SASH1: variants seen among roughly 807,000 people sequenced by gnomAD.
SASH1 encodes the protein SAM and SH3 domain containing 1.
A neutral mutation model predicts 125.2 loss-of-function variants in SASH1; 44 were observed. That is an observed-to-expected ratio of 0.35 (90% CI 0.28 to 0.45). The LOEUF is 0.45. Among genes scored for constraint, SASH1 ranks in the 20% least tolerant of loss-of-function variants. The pLI is 1.00. For synonymous variants in SASH1, 639 were observed against 649.1 expected (o/e 0.98, Z 0.24); for missense variants, 1,426 against 1,614.5 (o/e 0.88, Z 2.00).
chr6:148,381,225 C>T (rs547286729), intron 1 of SASH1, among the ~76,000 whole-genome samples: 1 of 152,200 alleles, frequency 6.6e-6, no homozygotes, highest in East Asian at 1.9e-4. Context: ...TTAGACTAAA[C>T]TTTTCAGATT....
At position 148,533,096 on chromosome 6, in the gene SASH1, C is replaced by T; in HGVS notation, c.1734+130C>T. 5 of 982,612 alleles carry T rather than the reference C, an allele frequency of 5.1e-6. No individual in the cohort carries two copies. Among genetic ancestry groups the T allele is most frequent in the Admixed American group, 2.2e-5 (1 of 44,766 alleles). 60.9% of individuals were successfully genotyped at this position (982,612 alleles called of 1,614,324 possible). On this transcript the variant is annotated intron_variant, in intron 14 of 19. Transcript: ENST00000367467. This position sits in a 1 kb window ranked among gnomAD's most constrained non-coding sequence, Gnocchi z 6.2. ...TGGACAGTATCTTGGCTACCTCGAT[C>T]ACTGGTCTCCTCTGTAGTGAAAAAC...
chr6:148,209,421 A>T, the SASH1 span, among the ~76,000 whole-genome samples: 1 of 152,198 alleles, frequency 6.6e-6, no homozygotes, highest in Non-Finnish European at 1.5e-5. Flanking sequence ...TATTGAATAA[A>T]ATAAAGAGGG....
the SASH1 span, among the ~76,000 whole-genome samples, chr6:148,209,313 T>C: frequency 6.6e-6 from 1 of 152,230 alleles, no homozygotes; most frequent in African/African-American, 2.4e-5. Context: ...TGTTTCTTCT[T>C]GCTCTCATCT....
At chr6:148,241,258 T>C in the SASH1 span, among the ~76,000 whole-genome samples, 1 of 152,226 alleles carries the variant, frequency 6.6e-6, no homozygotes, top group African/African-American at 2.4e-5. Flanking sequence ...GAGACTCGCC[T>C]TCTCATCCAG....
intron 2 of SASH1, among the ~76,000 whole-genome samples, chr6:148,416,701 C>T (rs1303914761): frequency 6.6e-6 from 1 of 152,142 alleles, no homozygotes; most frequent in Non-Finnish European, 1.5e-5. Context: ...AATGTGACTT[C>T]GTTGGATTGC....
rs191670041 is a variant in SASH1, at chr6:148,410,695, C to T, written c.285+20433C>T. On this transcript the variant is annotated intron_variant, in intron 2 of 19. Coordinates refer to ENST00000367467, the MANE Select transcript of SASH1 (RefSeq NM_015278.5). ...ATAAGTTGCACTTAAAGTGACATTC[C>T]GTAGTAAACAGAAACTTCATAAGGA... 2.2e-4 allele frequency among the ~76,000 whole-genome samples: 33 copies of T among 152,150 alleles called. No individual in the cohort carries two copies. The East Asian group carries it at 4.5e-3, about 21-fold the overall frequency.
At chr6:148,477,796 C>T (rs1308366840) in intron 7 of SASH1, among the ~76,000 whole-genome samples, 1 of 145,348 alleles carries the variant, frequency 6.9e-6, no homozygotes, top group Admixed American at 7.3e-5. Context: ...CTCCCAGGTT[C>T]CAGCAATTCT....
chr6:148,221,771 TGATAAC>T, the SASH1 span, among the ~76,000 whole-genome samples: 1 of 152,210 alleles, frequency 6.6e-6, no homozygotes, highest in African/African-American at 2.4e-5. Context: ...CAAAGGGCAC[TGATAAC>T]AGTGGTGAAG....
intron 4 of SASH1, among the ~76,000 whole-genome samples, chr6:148,464,225 C>G (rs912817783): frequency 1.3e-5 from 2 of 152,154 alleles, no homozygotes; most frequent in African/African-American, 4.8e-5. Flanking sequence ...AATGTTGACA[C>G]TTAAGCAGAT....
chr6:148,306,321 T>G (rs553944390), intron 1 of SASH1, among the ~76,000 whole-genome samples: 4 of 152,286 alleles, frequency 2.6e-5, no homozygotes, highest in Admixed American at 6.5e-5. Context: ...AAGGGACAGA[T>G]GGCAGAGATA....
intron 1 of SASH1, among the ~76,000 whole-genome samples, chr6:148,362,111 T>G (rs1249890009): frequency 6.6e-6 from 1 of 151,648 alleles, no homozygotes; most frequent in Non-Finnish European, 1.5e-5. Context: ...GTATTTTTAG[T>G]AGAGACGGGG....
chr6:148,422,381 T>C (rs1775599711), intron 2 of SASH1, among the ~76,000 whole-genome samples: 1 of 152,224 alleles, frequency 6.6e-6, no homozygotes, highest in African/African-American at 2.4e-5. Flanking sequence ...GAGTGTTACG[T>C]GTATACGTCA....
At chr6:148,338,614 T>TA (rs1184718542), upstream of SASH1, among the ~76,000 whole-genome samples, 1 of 152,160 alleles carries the variant, frequency 6.6e-6, no homozygotes, top group African/African-American at 2.4e-5. Context: ...AATTCTAATA[T>TA]AAAACGTTCT....
chr6:148,201,114 T>G, the SASH1 span, among the ~76,000 whole-genome samples: 1 of 152,212 alleles, frequency 6.6e-6, no homozygotes, highest in African/African-American at 2.4e-5. Context: ...TATTTGACTC[T>G]TAGAGTGATA....
Position 148,529,745 on chromosome 6 carries a change from G to C in SASH1, c.1429-1781G>C, listed in dbSNP as rs539049403. On this transcript the variant is annotated intron_variant, in intron 12 of 19. Coordinates refer to ENST00000367467, the MANE Select transcript of SASH1 (RefSeq NM_015278.5). This position sits in a 1 kb window ranked among gnomAD's most constrained non-coding sequence, Gnocchi z 4.2. ...AAGTTAAGGAATAAAAGAAACAACTGATCATTATAAATTTTCTGTAAAGCA... is the reference window on the plus strand; with the variant it reads ...AAGTTAAGGAATAAAAGAAACAACTCATCATTATAAATTTTCTGTAAAGCA... Among the ~76,000 whole-genome samples, 2 of 151,784 alleles carry C rather than the reference G, an allele frequency of 1.3e-5. No homozygotes were observed. Among genetic ancestry groups the C allele is most frequent in the South Asian group, 4.2e-4 (2 of 4,806 alleles).
intron 4 of SASH1, among the ~76,000 whole-genome samples, chr6:148,457,896 G>C (rs1777435800): frequency 6.6e-6 from 1 of 152,184 alleles, no homozygotes; most frequent in African/African-American, 2.4e-5. Context: ...AAAACCATCA[G>C]CTCTCATGAG....
intron 1 of SASH1, among the ~76,000 whole-genome samples, chr6:148,326,323 C>CATATGTATATAT (rs71004286): frequency 1.0e-4 from 1 of 9,816 alleles, no homozygotes; most frequent in African/African-American, 4.1e-4. Context: ...CCACCGCATG[C>CATATGTATATAT]ATATATATAT....
chr6:148,474,411 A>G (rs887689605), intron 7 of SASH1, among the ~76,000 whole-genome samples, 189 bp downstream of exon 7: 3 of 152,228 alleles, frequency 2.0e-5, no homozygotes, highest in Non-Finnish European at 4.4e-5. Context: ...AACGTGAATG[A>G]ATGAATGGCA....
chr6:148,446,622 T>A (rs1433852476), intron 4 of SASH1, among the ~76,000 whole-genome samples: 1 of 152,178 alleles, frequency 6.6e-6, no homozygotes, highest in Non-Finnish European at 1.5e-5. Context: ...TTGTAATATG[T>A]TTATGGAGGA....
Sources: allele counts gnomAD v4.1 joint callset (sites outside exome capture counted in the v4.1 genomes callset), GRCh38; gene constraint gnomAD v4.1.1; non-coding constraint Gnocchi (gnomAD v3.1); transcripts MANE v1.5; gene names NCBI Gene and HGNC (gene_info 2026-07-23, HGNC 2026-07-21).